The following CDKN2A variants were observed in gnomAD, a reference collection of about 807,000 sequenced individuals.
CDKN2A encodes cyclin-dependent kinase inhibitor 2A.
In CDKN2A, 3 loss-of-function variants were observed where a neutral mutation model predicts 11.1. The observed-to-expected ratio is 0.27, with a 90% CI of 0.12 to 0.70. CDKN2A has a LOEUF of 0.70. Ranked by LOEUF, CDKN2A falls within the 30% of genes least tolerant of loss-of-function variation. The pLI is 0.77. For missense variants in CDKN2A, 265 were observed against 233.6 expected, an observed-to-expected ratio of 1.13 and a Z score of -0.88; for synonymous variants, 122 against 108.1, an observed-to-expected ratio of 1.13 and a Z score of -0.80.
chr9:21,974,374 C>A lies in CDKN2A; in HGVS notation c.150+304G>T. On this transcript the variant is annotated intron_variant, in intron 1 of 2. Transcript: ENST00000304494. The surrounding 1 kb of genome is among the most constrained non-coding windows in gnomAD (Gnocchi z 5.2). ...AGACTCCCTTTTTATCCCAAACGTT[C>A]GTAAATTTTGTATCTGATAAAGAGC... is the stretch of plus-strand genomic sequence containing the variant. The A allele has an allele frequency of 6.5e-7, 1 of 1,541,526 alleles. No homozygotes were observed. Among genetic ancestry groups the A allele is most frequent in the Non-Finnish European group, 8.8e-7 (1 of 1,139,658 alleles).
At chr9:21,978,340 A>G (rs920292321), upstream of CDKN2A, among the ~76,000 whole-genome samples, 12 of 152,124 alleles carry the variant, frequency 7.9e-5, no homozygotes, top group Non-Finnish European at 1.5e-4. Flanking sequence ...TTTTCTGTTA[A>G]AGAGCCCATT....
chr9:21,978,230 C>A (rs1377208318), upstream of CDKN2A, among the ~76,000 whole-genome samples: 1 of 151,836 alleles, frequency 6.6e-6, no homozygotes, highest in African/African-American at 2.4e-5. Flanking sequence ...AACAAACCTG[C>A]ACATTGTGCA....
upstream of CDKN2A, among the ~76,000 whole-genome samples, chr9:21,975,551 G>A (rs1213750032): frequency 6.6e-6 from 1 of 152,076 alleles, no homozygotes; most frequent in Non-Finnish European, 1.5e-5. Context: ...TGGAGAGTCG[G>A]ACTGCTCTCT....
In CDKN2A at chr9:21,991,559, A is replaced by G. The variant is rs570238559; in HGVS notation, c.-4+2323T>C. The G allele has an allele frequency of 1.3e-4, 94 of 745,560 alleles. No individual in the cohort carries two copies. The African/African-American group carries it at 1.6e-3, about 13-fold the overall frequency. The allele number at this position is 745,560 out of a possible 1,614,324, so 46.2% of individuals were successfully genotyped here. On this transcript the variant is annotated intron_variant, in intron 2 of 3. Coordinates refer to the CDKN2A transcript ENST00000494262. This position sits in a 1 kb window ranked among gnomAD's most constrained non-coding sequence, Gnocchi z 5.2. ...GGCCCACTGTTGAACCTTGCTATAA[A>G]AAAGTATTTTTGATACCATTTGTAT... is the stretch of plus-strand genomic sequence containing the variant.
In CDKN2A at chr9:21,974,828, G is replaced by T. The variant is rs2131114314; in HGVS notation, c.-1C>A. ...TGCTGCTCCCCGCCGCCGGCTCCATGCTGCTCCCCGCCGCCCGCTGCCTGC... is the reference window on the plus strand; with the variant it reads ...TGCTGCTCCCCGCCGCCGGCTCCATTCTGCTCCCCGCCGCCCGCTGCCTGC... On this transcript the variant is annotated 5_prime_UTR_variant, in exon 1 of 3. Transcript: ENST00000304494. The surrounding 1 kb of genome is among the most constrained non-coding windows in gnomAD (Gnocchi z 5.2). 1 of 1,585,868 alleles carries T rather than the reference G, an allele frequency of 6.3e-7. No homozygotes were observed. The highest frequency in any genetic ancestry group is 8.5e-7 in the Non-Finnish European group (1 of 1,170,858).
At chr9:21,980,124 T>C (rs529253603) in intron 2 of CDKN2A, among the ~76,000 whole-genome samples, 15 of 152,320 alleles carry the variant, frequency 9.8e-5, no homozygotes, top group Admixed American at 3.3e-4. Context: ...ACAGTTCTCA[T>C]GTATCTAATG....
Position 21,986,901 on chromosome 9 carries a change from G to A in CDKN2A, c.-4+6981C>T, listed in dbSNP as rs944581897. Among the ~76,000 whole-genome samples the A allele has an allele frequency of 5.3e-5, 8 of 152,166 alleles. No individual in the cohort carries two copies. The East Asian group carries it at 1.5e-3, about 29-fold the overall frequency. On this transcript the variant is annotated intron_variant, in intron 2 of 3. Coordinates refer to the CDKN2A transcript ENST00000494262. ...TGGGGGAGTCATTGTTCTCTAGACA[G>A]CTGCTGTTTCTTTAAATTGGGTGAG...
In CDKN2A at chr9:21,971,575, A is replaced by ATTTTTTTTTTTTTTTT. The variant is rs59981968; in HGVS notation, c.151-383_151-368dup. On this transcript the variant is annotated intron_variant, in intron 1 of 2. Transcript: ENST00000304494. ...TCCTGAAATTATGTTAGGCCTGGAG[A>ATTTTTTTTTTTTTTTT]TTTTTTTTTTTTTTTTTGTTCACTG... Among the ~76,000 whole-genome samples, 929 of 111,206 alleles carry ATTTTTTTTTTTTTTTT rather than the reference A, an allele frequency of 8.4e-3. 61 individuals are homozygous for ATTTTTTTTTTTTTTTT. Among genetic ancestry groups the ATTTTTTTTTTTTTTTT allele is most frequent in the African/African-American group, 0.02 (456 of 22,844 alleles). The allele number at this position is 111,206 out of a possible 152,430, so 73.0% of individuals were successfully genotyped here.
At chr9:21,994,083 A>G (rs1044182595) in intron 1 of CDKN2A, 179 of 1,557,814 alleles carry the variant, frequency 1.1e-4, no homozygotes, top group Non-Finnish European at 1.4e-4. Context: ...TTACGAAATC[A>G]CACCAAACAA....
intron 2 of CDKN2A, chr9:21,990,103 G>T (rs898157024): frequency 2.0e-5 from 3 of 152,838 alleles, no homozygotes; most frequent in Non-Finnish European, 4.4e-5. Flanking sequence ...TGGCTCCGGA[G>T]GCGGCGAGAC....
At chr9:21,986,418 G>A (rs1820297824) in intron 2 of CDKN2A, among the ~76,000 whole-genome samples, 1 of 151,956 alleles carries the variant, frequency 6.6e-6, no homozygotes, top group African/African-American at 2.4e-5. Flanking sequence ...TGATGCTTGA[G>A]TATAGTAGAG....
chr9:21,987,838 C>T (rs546013744), intron 2 of CDKN2A, among the ~76,000 whole-genome samples: 44 of 152,254 alleles, frequency 2.9e-4, no homozygotes, highest in Non-Finnish European at 4.9e-4. Flanking sequence ...TAAAATTGGT[C>T]ATATTTGTCA....
chr9:21,976,316 T>C (rs1294772596), upstream of CDKN2A, among the ~76,000 whole-genome samples: 1 of 146,260 alleles, frequency 6.8e-6, no homozygotes, highest in Non-Finnish European at 1.5e-5. Context: ...GAGGCAGAGG[T>C]TGCAGTAAGC....
At position 21,988,770 on chromosome 9, in the gene CDKN2A, T is replaced by A. The variant is rs1820358420; in HGVS notation, c.-4+5112A>T. On this transcript the variant is annotated intron_variant, in intron 2 of 3. Transcript: ENST00000494262. This position sits in a 1 kb window ranked among gnomAD's most constrained non-coding sequence, Gnocchi z 4.1. ...CTCCTAAATAAAAGTTGAAAAAAAA[T>A]CTACGAGGCACTATATTTTTAAAAA... 6.6e-6 allele frequency among the ~76,000 whole-genome samples: 1 copy of A among 152,148 alleles called. No homozygotes were observed. The highest frequency in any genetic ancestry group is 2.4e-5 in the African/African-American group (1 of 41,430).
intron 1 of CDKN2A, among the ~76,000 whole-genome samples, chr9:21,972,963 A>G (rs2131103952): frequency 6.6e-6 from 1 of 152,344 alleles, no homozygotes; most frequent in Middle Eastern, 3.4e-3. Context: ...ATTATACTAA[A>G]TTATATTATG....
rs1038674833 is a variant in CDKN2A at position 21,991,576 on chromosome 9, C to A, written c.-4+2306G>T. 3.6e-6 allele frequency: 3 copies of A among 822,728 alleles called. No individual in the cohort carries two copies. In the African/African-American group the frequency reaches 5.6e-5, roughly 15 times the overall value. The allele number at this position is 822,728 out of a possible 1,614,324, so 51.0% of individuals were successfully genotyped here. ...TGCTATAAAAAAGTATTTTTGATACCATTTGTATCACTTTAGTAATAGGAG... is the reference window on the plus strand; with the variant it reads ...TGCTATAAAAAAGTATTTTTGATACAATTTGTATCACTTTAGTAATAGGAG... On this transcript the variant is annotated intron_variant, in intron 2 of 3. Transcript: ENST00000494262. This position sits in a 1 kb window ranked among gnomAD's most constrained non-coding sequence, Gnocchi z 5.2.
chr9:21,977,598 T>A (rs1405110754), upstream of CDKN2A, among the ~76,000 whole-genome samples: 1 of 152,164 alleles, frequency 6.6e-6, no homozygotes, highest in Admixed American at 6.5e-5. Context: ...ACTCCTGACC[T>A]CAGGTGATCC....
At position 21,988,431 on chromosome 9, in the gene CDKN2A, T is replaced by A. The variant is rs113235213; in HGVS notation, c.-4+5451A>T. ...TTTTTTTTCCCTTTTATTACTTCTT[T>A]TTGATTGTAGAGTTCTGCCCAAATG... On this transcript the variant is annotated intron_variant, in intron 2 of 3. Coordinates refer to the CDKN2A transcript ENST00000494262. This position sits in a 1 kb window ranked among gnomAD's most constrained non-coding sequence, Gnocchi z 4.1. 2.0e-5 allele frequency among the ~76,000 whole-genome samples: 3 copies of A among 152,290 alleles called. No individual in the cohort carries two copies. The highest frequency in any genetic ancestry group is 7.2e-5 in the African/African-American group (3 of 41,550).
rs758389471 is a variant in CDKN2A at position 21,971,160 on chromosome 9, C to G, written c.199G>C (p.Gly67Arg). The change falls in exon 2 of 3, where the codon GGC becomes CGC. Residue 67 changes from glycine (G) to arginine (R), a missense_variant. Coordinates refer to ENST00000304494, the MANE Select transcript of CDKN2A (RefSeq NM_000077.5). ...GGGTCGGCGCAGTTGGGCTCCGCGC[C>G]GTGGAGCAGCAGCAGCTCCGCCACT... ...ARVAELLLLH[G>R]AEPNCADPAT... is the part of the protein sequence containing the mutation. 4 of 1,594,888 alleles carry G rather than the reference C, an allele frequency of 2.5e-6. No individual in the cohort carries two copies. The highest frequency in any genetic ancestry group is 1.7e-5 in the Admixed American group (1 of 59,408).
Sources: gnomAD v4.1 joint callset for allele counts (sites outside exome capture counted in the v4.1 genomes callset) on GRCh38, gnomAD v4.1.1 for gene constraint, Gnocchi (gnomAD v3.1) non-coding constraint, MANE v1.5 for transcripts, NCBI Gene and HGNC (gene_info 2026-07-23, HGNC 2026-07-21) for gene names.